Variants in SEMA6A observed in about 807,000 individuals in gnomAD.
The protein encoded by SEMA6A is semaphorin-6A.
In SEMA6A, 25 loss-of-function variants were observed where a neutral mutation model predicts 96.8. That is an observed-to-expected ratio of 0.26 (90% CI 0.19 to 0.36). The LOEUF (loss-of-function observed/expected upper bound fraction) is 0.36. Among genes scored for constraint, SEMA6A ranks in the 10% least tolerant of loss-of-function variants. The probability of loss-of-function intolerance (pLI) is 1.00; values close to 1 mark genes in which losing one functional copy is unlikely to be tolerated. For synonymous variants in SEMA6A, 612 were observed against 518.0 expected, an observed-to-expected ratio of 1.18 and a Z score of -2.46; for missense variants, 1,363 against 1,323.1, an observed-to-expected ratio of 1.03 and a Z score of -0.47.
chr5:116,491,544 C>T (rs1580429947), intron 7 of SEMA6A, among the ~76,000 whole-genome samples, 196 bp downstream of exon 7: 1 of 152,042 alleles, frequency 6.6e-6, no homozygotes, highest in East Asian at 1.9e-4. Flanking sequence ...AAGGCACAAA[C>T]ACATGGGTAA....
In SEMA6A at chr5:116,506,132, T is replaced by A. The variant is rs138067574; in HGVS notation, c.-38-1150A>T. 2.3e-3 allele frequency among the ~76,000 whole-genome samples: 343 copies of A among 152,330 alleles called. 2 individuals carry two copies. Among genetic ancestry groups the A allele is most frequent in the African/African-American group, 7.8e-3 (326 of 41,582 alleles). On this transcript the variant is annotated intron_variant, in intron 1 of 18. Transcript: ENST00000343348. ...TAACCTAGATGTCTTTGAAAGTTAA[T>A]TTGGCAAACTGCTAACTTACGCTTT...
At chr5:116,534,082 C>T (rs1489492076) in intron 1 of SEMA6A, among the ~76,000 whole-genome samples, 2 of 152,168 alleles carry the variant, frequency 1.3e-5, no homozygotes, top group Non-Finnish European at 2.9e-5. Context: ...TGGGCACAAC[C>T]TACATTTACT....
chr5:116,556,259 G>A (rs918319004), intron 1 of SEMA6A, among the ~76,000 whole-genome samples: 2 of 152,136 alleles, frequency 1.3e-5, no homozygotes, highest in African/African-American at 4.8e-5. Flanking sequence ...TACTTACTTA[G>A]TTATTTTAAA....
intron 1 of SEMA6A, among the ~76,000 whole-genome samples, chr5:116,522,604 A>G (rs1400323662): frequency 1.3e-5 from 2 of 152,206 alleles, no homozygotes; most frequent in Non-Finnish European, 2.9e-5. Context: ...AATGTAGCAA[A>G]CTCAGAAAGG....
intron 6 of SEMA6A, among the ~76,000 whole-genome samples, chr5:116,493,324 A>T (rs1272963832): frequency 6.6e-6 from 1 of 152,182 alleles, no homozygotes; most frequent in Non-Finnish European, 1.5e-5. Context: ...ACAAACAGGG[A>T]TGGAATATTA....
chr5:116,464,128 C>T (rs1385543954), intron 18 of SEMA6A, among the ~76,000 whole-genome samples: 1 of 152,122 alleles, frequency 6.6e-6, no homozygotes. Flanking sequence ...GATTTTCTTT[C>T]TTATTTATAT....
At chr5:116,545,583 G>C (rs892057827) in intron 1 of SEMA6A, among the ~76,000 whole-genome samples, 2 of 152,008 alleles carry the variant, frequency 1.3e-5, no homozygotes, top group Non-Finnish European at 2.9e-5. Flanking sequence ...AAAAAAAATT[G>C]CTTCCCTCCT....
At chr5:116,511,864 A>G (rs905142077) in intron 1 of SEMA6A, among the ~76,000 whole-genome samples, 7 of 152,360 alleles carry the variant, frequency 4.6e-5, no homozygotes, top group Non-Finnish European at 8.8e-5. Context: ...CATAGAGAAC[A>G]GTGTCATTTG....
intron 10 of SEMA6A, among the ~76,000 whole-genome samples, chr5:116,483,025 C>T (rs765777593): frequency 1.3e-5 from 2 of 152,098 alleles, no homozygotes; most frequent in African/African-American, 2.4e-5. Context: ...TTTGGTTTTT[C>T]GAGCCAAGAA....
chr5:116,487,571 C>G (rs1425735275), intron 9 of SEMA6A, among the ~76,000 whole-genome samples: 1 of 152,044 alleles, frequency 6.6e-6, no homozygotes, highest in East Asian at 1.9e-4. Flanking sequence ...TCTCAAGACA[C>G]TTGAATCTCG....
chr5:116,530,232 T>A (rs1759405361), intron 1 of SEMA6A, among the ~76,000 whole-genome samples: 1 of 152,128 alleles, frequency 6.6e-6, no homozygotes, highest in Non-Finnish European at 1.5e-5. Flanking sequence ...CATGCCAACA[T>A]AAAAAGGCAC....
chr5:116,469,297 T>C (rs1196334963), intron 17 of SEMA6A: 1 of 152,228 alleles, frequency 6.6e-6, no homozygotes, highest in Non-Finnish European at 1.5e-5. Context: ...GAATGCTTTA[T>C]TCTAGACTTT....
chr5:116,514,280 C>G (rs998853599), intron 1 of SEMA6A, among the ~76,000 whole-genome samples: 1 of 152,158 alleles, frequency 6.6e-6, no homozygotes, highest in South Asian at 2.1e-4. Flanking sequence ...TGCTCCACAA[C>G]CTTGCTAGTA....
At chr5:116,489,127 A>T in intron 7 of SEMA6A, 120 bp from the exon 8 acceptor site, 1 of 1,170,222 alleles carries the variant, frequency 8.5e-7, no homozygotes, top group Non-Finnish European at 1.1e-6. Context: ...CACAACTGGG[A>T]AAAATCCAAG....
chr5:116,464,116 T>C (rs147226543), intron 18 of SEMA6A, among the ~76,000 whole-genome samples: 240 of 152,342 alleles, frequency 1.6e-3, no homozygotes, highest in African/African-American at 5.0e-3. Flanking sequence ...AAAAATAAAC[T>C]GGATTTTCTT....
chr5:116,564,205 G>A (rs1015118411), intron 1 of SEMA6A, among the ~76,000 whole-genome samples: 12 of 152,178 alleles, frequency 7.9e-5, no homozygotes, highest in African/African-American at 2.7e-4. Flanking sequence ...GCTGGATCTG[G>A]AGAAATTTAA....
At chr5:116,517,118 C>T (rs56391439) in intron 1 of SEMA6A, among the ~76,000 whole-genome samples, 3,987 of 152,234 alleles carry the variant, frequency 0.026, 79 homozygotes, top group Middle Eastern at 0.058. Flanking sequence ...TTTTTCTACT[C>T]ATTGTGTGAC....
chr5:116,502,156 G>C (rs777093919), intron 3 of SEMA6A, 54 bp downstream of exon 3: 23 of 1,406,424 alleles, frequency 1.6e-5, no homozygotes, highest in Non-Finnish European at 2.1e-5. Context: ...GGTAAATTTA[G>C]GACCTTGGGC....
In SEMA6A at chr5:116,495,554, A is replaced by G. The variant is rs755125012; in HGVS notation, c.343-40T>C. ...AAACTGTTTTGTATCATGTCCATTC[A>G]GTACAGAAACTGATTCTTCACTGTA... On this transcript the variant is annotated intron_variant, in intron 5 of 18. Transcript: ENST00000343348. 1.4e-5 allele frequency: 20 copies of G among 1,419,964 alleles called. No homozygotes were observed. The African/African-American group carries it at 2.5e-4, about 18-fold the overall frequency. 88.0% of individuals were successfully genotyped at this position (1,419,964 alleles called of 1,614,324 possible).
Sources: allele counts gnomAD v4.1 joint callset (sites outside exome capture counted in the v4.1 genomes callset), GRCh38; gene constraint gnomAD v4.1.1; transcripts MANE v1.5; gene names NCBI Gene and HGNC (gene_info 2026-07-23, HGNC 2026-07-21).